Variants in IGF2BP3 observed in about 807,000 individuals in gnomAD.
The protein encoded by IGF2BP3 is insulin like growth factor 2 mRNA binding protein 3.
A neutral mutation model predicts 73.8 loss-of-function variants in IGF2BP3; 9 were observed. That is an observed-to-expected ratio of 0.12 (90% CI 0.07 to 0.21). The LOEUF is 0.21. IGF2BP3 is among the 10% of genes least tolerant of loss of function. IGF2BP3 has a pLI of 1.00. For synonymous variants in IGF2BP3, 258 were observed against 256.7 expected (o/e 1.01, Z -0.05); for missense variants, 542 against 714.0 (o/e 0.76, Z 2.75).
intron 12 of IGF2BP3, among the ~76,000 whole-genome samples, chr7:23,314,887 C>A (rs188932480): frequency 8.6e-4 from 130 of 151,984 alleles, no homozygotes; most frequent in Admixed American, 2.9e-3. Flanking sequence ...AACCTCCGAC[C>A]CCCGGGTTCA....
At chr7:23,410,336 G>A (rs911605308) in intron 3 of IGF2BP3, among the ~76,000 whole-genome samples, 9 of 152,088 alleles carry the variant, frequency 5.9e-5, no homozygotes, top group Non-Finnish European at 1.5e-5. Flanking sequence ...CAGCCTGGGC[G>A]ATAGGAGTCA....
At chr7:23,345,869 T>TGTA in intron 8 of IGF2BP3, 71 bp downstream of exon 8, 1 of 1,542,056 alleles carries the variant, frequency 6.5e-7, no homozygotes, top group Non-Finnish European at 8.7e-7. Flanking sequence ...AGTGGGAAGC[T>TGTA]AAGCCCAATA....
intron 10 of IGF2BP3, among the ~76,000 whole-genome samples, chr7:23,322,411 TG>T (rs1784182141): frequency 2.0e-5 from 3 of 152,104 alleles, no homozygotes; most frequent in Admixed American, 2.0e-4. Flanking sequence ...CCAAGAAATA[TG>T]GGACTATGTG....
chr7:23,458,037 C>A (rs1788361916), intron 2 of IGF2BP3, among the ~76,000 whole-genome samples: 1 of 152,196 alleles, frequency 6.6e-6, no homozygotes, highest in Non-Finnish European at 1.5e-5. Context: ...TTACATCCAT[C>A]CAGCTTCCCC....
intron 10 of IGF2BP3, among the ~76,000 whole-genome samples, chr7:23,323,905 GGAT>G (rs1784224572): frequency 1.3e-5 from 2 of 151,416 alleles, no homozygotes; most frequent in Non-Finnish European, 2.9e-5. Context: ...AGAATCTCTG[GGAT>G]GCATTCAAAG....
intron 3 of IGF2BP3, among the ~76,000 whole-genome samples, chr7:23,377,192 C>A (rs1785751421): frequency 6.6e-6 from 1 of 151,864 alleles, no homozygotes; most frequent in South Asian, 2.1e-4. Flanking sequence ...AGTGCAAAGA[C>A]ATAGATAATG....
chr7:23,360,648 G>A (rs1290267971), intron 5 of IGF2BP3, among the ~76,000 whole-genome samples: 1 of 152,124 alleles, frequency 6.6e-6, no homozygotes, highest in South Asian at 2.1e-4. Flanking sequence ...AGTGAGTACT[G>A]CCTATAGTAA....
At chr7:23,420,515 G>GA (rs1285258281) in intron 2 of IGF2BP3, among the ~76,000 whole-genome samples, 20 of 151,610 alleles carry the variant, frequency 1.3e-4, no homozygotes, top group East Asian at 1.2e-3. Context: ...ATAAAAAACA[G>GA]AAAAAAAACA....
In IGF2BP3 at chr7:23,343,678, T is replaced by C. The variant is rs143862019; in HGVS notation, c.1077+40A>G. The C allele has an allele frequency of 3.2e-6, 5 of 1,541,792 alleles. No homozygotes were observed. The African/African-American group carries it at 4.1e-5, about 13-fold the overall frequency. On this transcript the variant is annotated intron_variant, in intron 9 of 14. Coordinates refer to ENST00000258729, the MANE Select transcript of IGF2BP3 (RefSeq NM_006547.3). Reference sequence around the variant, plus strand: ...GCAGTTAAAAACATTGTTTTAACTATTTGTTAAAATAAAGACATGCCCTTC... The same window carrying C: ...GCAGTTAAAAACATTGTTTTAACTACTTGTTAAAATAAAGACATGCCCTTC...
intron 2 of IGF2BP3, among the ~76,000 whole-genome samples, chr7:23,424,168 G>A (rs1203911618): frequency 6.7e-6 from 1 of 150,224 alleles, no homozygotes; most frequent in Non-Finnish European, 1.5e-5. Context: ...CCACCAGAGG[G>A]GAAATACGGT....
intron 2 of IGF2BP3, among the ~76,000 whole-genome samples, chr7:23,428,633 C>T (rs1237729698): frequency 3.3e-5 from 5 of 150,370 alleles, no homozygotes; most frequent in South Asian, 2.1e-4. Context: ...CTTGGGCCCA[C>T]GAAGTTGAGA....
chr7:23,464,854 A>C (rs1788528303), intron 2 of IGF2BP3, among the ~76,000 whole-genome samples: 1 of 152,092 alleles, frequency 6.6e-6, no homozygotes, highest in Middle Eastern at 3.2e-3. Flanking sequence ...ACATAATCCT[A>C]AACAATGCCA....
chr7:23,320,087 T>C (rs572867627), intron 10 of IGF2BP3, among the ~76,000 whole-genome samples: 3 of 152,156 alleles, frequency 2.0e-5, no homozygotes, highest in Non-Finnish European at 4.4e-5. Context: ...ATTTTTTTTT[T>C]TTTTTGTAGA....
intron 2 of IGF2BP3, among the ~76,000 whole-genome samples, chr7:23,440,305 A>G (rs367718252): frequency 3.3e-5 from 5 of 150,886 alleles, no homozygotes; most frequent in East Asian, 3.9e-4. Flanking sequence ...GCATGGTGGC[A>G]CGTGCCCTTA....
At chr7:23,426,977 T>C (rs1462488434) in intron 2 of IGF2BP3, among the ~76,000 whole-genome samples, 21 of 152,350 alleles carry the variant, frequency 1.4e-4, no homozygotes. Flanking sequence ...AAAGACAGGA[T>C]AAATACTTTA....
At chr7:23,393,670 G>C (rs943557055) in intron 3 of IGF2BP3, among the ~76,000 whole-genome samples, 1 of 152,192 alleles carries the variant, frequency 6.6e-6, no homozygotes, top group Non-Finnish European at 1.5e-5. Flanking sequence ...TATTCTCAAA[G>C]GAGCTAAAAT....
At chr7:23,404,945 G>C (rs1653352378) in intron 3 of IGF2BP3, 1 of 151,872 alleles carries the variant, frequency 6.6e-6, no homozygotes, top group South Asian at 2.1e-4. Context: ...TAAAACTGGA[G>C]GTAGAAAGAC....
At chr7:23,399,649 A>C (rs1379131438) in intron 3 of IGF2BP3, among the ~76,000 whole-genome samples, 1 of 152,168 alleles carries the variant, frequency 6.6e-6, no homozygotes, top group Non-Finnish European at 1.5e-5. Context: ...GCAGCATAGG[A>C]AACTAATATA....
At chr7:23,371,154 AACACACACAC>A (rs60859365) in intron 3 of IGF2BP3, among the ~76,000 whole-genome samples, 2 of 148,744 alleles carry the variant, frequency 1.3e-5, no homozygotes, top group African/African-American at 2.5e-5. Context: ...ACACCTTGCC[AACACACACAC>A]ACACACACAC....
Sources: allele counts gnomAD v4.1 joint callset (sites outside exome capture counted in the v4.1 genomes callset), GRCh38; gene constraint gnomAD v4.1.1; transcripts MANE v1.5; gene names NCBI Gene and HGNC (gene_info 2026-07-23, HGNC 2026-07-21).